Variants in ASCC3 observed in about 807,000 individuals in gnomAD.
The protein encoded by ASCC3 is activating signal cointegrator 1 complex subunit 3.
ASCC3 carries 158 observed loss-of-function variants against 256.3 expected under a neutral mutation model. That is an observed-to-expected ratio of 0.62 (90% CI 0.54 to 0.70). The LOEUF (loss-of-function observed/expected upper bound fraction) is 0.70, where lower values mean the gene tolerates loss of function less well. Ranked by LOEUF, ASCC3 falls within the 30% of genes least tolerant of loss-of-function variation. ASCC3 has a pLI of 0.00. For missense variants in ASCC3, 2,259 were observed against 2,626.0 expected (o/e 0.86, Z 3.05); for synonymous variants, 948 against 883.4 (o/e 1.07, Z -1.30).
At chr6:100,583,867 G>C (rs1771472769) in intron 36 of ASCC3, among the ~76,000 whole-genome samples, 1 of 152,136 alleles carries the variant, frequency 6.6e-6, no homozygotes, top group Admixed American at 6.5e-5. Flanking sequence ...TCAGGAGCAG[G>C]TTGTTCAGTT....
At chr6:100,846,734 T>G (rs534225172) in intron 4 of ASCC3, among the ~76,000 whole-genome samples, 1 of 152,330 alleles carries the variant, frequency 6.6e-6, no homozygotes, top group South Asian at 2.1e-4. Context: ...AGTCATATTT[T>G]AAGAATTGGT....
Position 100,764,817 on chromosome 6 carries a change from T to C in ASCC3, c.1737+1748A>G, listed in dbSNP as rs116707126. ...ACTTGTGGACTAGGGCTTCAACATA[T>C]AAATTGTGTTTGGGGGGTCGGGGAG... On this transcript the variant is annotated intron_variant, in intron 10 of 41. Coordinates refer to ENST00000369162, the MANE Select transcript of ASCC3 (RefSeq NM_006828.4). Among the ~76,000 whole-genome samples the C allele has an allele frequency of 6.1e-3, 922 of 152,220 alleles. 13 individuals carry two copies. The highest frequency in any genetic ancestry group is 0.021 in the African/African-American group (873 of 41,524).
At chr6:100,858,124 GTAAAA>G in intron 3 of ASCC3, 1 of 388,830 alleles carries the variant, frequency 2.6e-6, no homozygotes, top group Non-Finnish European at 3.5e-6. Flanking sequence ...TTTTGTAAAC[GTAAAA>G]TAAATTAAAA....
intron 8 of ASCC3, among the ~76,000 whole-genome samples, chr6:100,795,595 A>T (rs1769572431): frequency 6.6e-6 from 1 of 152,146 alleles, no homozygotes; most frequent in Non-Finnish European, 1.5e-5. Context: ...AGATGCATCT[A>T]CATTTTTTAC....
chr6:100,578,549 G>A (rs1198815151), intron 36 of ASCC3, among the ~76,000 whole-genome samples: 1 of 151,930 alleles, frequency 6.6e-6, no homozygotes, highest in African/African-American at 2.4e-5. Context: ...TTTCACGTAG[G>A]ATTATGGCCT....
intron 8 of ASCC3, among the ~76,000 whole-genome samples, chr6:100,793,856 T>C (rs1002998678): frequency 1.3e-5 from 2 of 151,992 alleles, no homozygotes; most frequent in Non-Finnish European, 2.9e-5. Flanking sequence ...TAACACTTGC[T>C]CCTAACTAAC....
chr6:100,730,309 A>AAAACAAAACAAAACAAAACC (rs1463955768), intron 10 of ASCC3, among the ~76,000 whole-genome samples: 1 of 151,936 alleles, frequency 6.6e-6, no homozygotes, highest in Non-Finnish European at 1.5e-5. Flanking sequence ...AAAACAAAAC[A>AAAACAAAACAAAACAAAACC]AAACAAAACA....
intron 1 of ASCC3, among the ~76,000 whole-genome samples, chr6:100,873,038 A>T (rs184093247): frequency 1.9e-3 from 287 of 152,268 alleles, no homozygotes; most frequent in African/African-American, 6.5e-3. Context: ...AACCAAGAAG[A>T]AATCCCTGAT....
intron 10 of ASCC3, among the ~76,000 whole-genome samples, chr6:100,744,089 T>A (rs1425536246): frequency 6.6e-6 from 1 of 152,192 alleles, no homozygotes; most frequent in Non-Finnish European, 1.5e-5. Context: ...ACCCTGAATG[T>A]CCTTACTTAT....
In ASCC3 at chr6:100,661,849, T is replaced by G; in HGVS notation, c.2660A>C (p.Glu887Ala). Residue 887 changes from glutamate (E) to alanine (A), a missense_variant, in exon 16 of 42, where the codon GAG (glutamate) becomes GCG (alanine). This residue lies in a region of ASCC3 where 1,839 missense variants were observed against 2,206.7 expected (regional missense o/e 0.83). Transcript: ENST00000369162. The part of the protein sequence containing the change: ...LTLLTQRNPI[E>A]SQFLESLADN... ...TGCAAGGCTTTCCAGAAACTGACTCTCAATTGGGTTTCGTTGAGTGAGCAA... is the reference window on the plus strand; with the variant it reads ...TGCAAGGCTTTCCAGAAACTGACTCGCAATTGGGTTTCGTTGAGTGAGCAA... The G allele has an allele frequency of 6.2e-7, 1 of 1,613,326 alleles. No individual in the cohort carries two copies. Among genetic ancestry groups the G allele is most frequent in the Non-Finnish European group, 8.5e-7 (1 of 1,179,404 alleles).
chr6:100,690,948 T>C (rs565583161), intron 13 of ASCC3, among the ~76,000 whole-genome samples: 1 of 152,168 alleles, frequency 6.6e-6, no homozygotes, highest in Admixed American at 6.6e-5. Flanking sequence ...ACATTCCTTA[T>C]AAATTTCACT....
chr6:100,598,377 G>A (rs1424177781), intron 34 of ASCC3, among the ~76,000 whole-genome samples: 1 of 152,126 alleles, frequency 6.6e-6, no homozygotes, highest in Non-Finnish European at 1.5e-5. Context: ...TATTTACATG[G>A]ACTACACTGA....
intron 24 of ASCC3, among the ~76,000 whole-genome samples, chr6:100,640,661 G>C (rs1415468422): frequency 6.6e-6 from 1 of 152,044 alleles, no homozygotes; most frequent in African/African-American, 2.4e-5. Context: ...TAGCACACTT[G>C]ATGAAAGAAG....
intron 10 of ASCC3, 40 bp from the exon 11 acceptor site, chr6:100,725,743 A>G (rs1470629943): frequency 1.2e-6 from 2 of 1,605,790 alleles, no homozygotes; most frequent in East Asian, 4.5e-5. Flanking sequence ...AAAGTTACAT[A>G]GGTTATTTAA....
At chr6:100,739,995 G>C (rs1386018353) in intron 10 of ASCC3, among the ~76,000 whole-genome samples, 2 of 152,010 alleles carry the variant, frequency 1.3e-5, no homozygotes, top group African/African-American at 4.8e-5. Context: ...GTTTGCTTTT[G>C]GTTCTCTTGT....
At chr6:100,529,779 C>CTTCTG (rs1774775161) in intron 37 of ASCC3, among the ~76,000 whole-genome samples, 1 of 152,086 alleles carries the variant, frequency 6.6e-6, no homozygotes, top group East Asian at 1.9e-4. Flanking sequence ...CTGTTTTTGC[C>CTTCTG]TTCTGATGTG....
At position 100,718,234 on chromosome 6, in the gene ASCC3, A is replaced by G; in HGVS notation, c.1920T>C (p.Ser640=). ...CAGACAGTCCGAGAATCCTTATCAT[A>G]CTCTGTGTGGATTCCACCTATATGG... The part of the protein sequence containing the change: ...RTLRQVESTQ[S]MIRILGLSAT... Residue 640 remains serine, a synonymous_variant, in exon 12 of 42, where the codon AGT becomes AGC. Transcript: ENST00000369162. 6.2e-7 allele frequency: 1 copy of G among 1,610,872 alleles called. No homozygotes were observed.
At chr6:100,548,144 G>C (rs979343068) in intron 36 of ASCC3, among the ~76,000 whole-genome samples, 1 of 151,770 alleles carries the variant, frequency 6.6e-6, no homozygotes, top group Admixed American at 6.6e-5. Flanking sequence ...TAGCTACCTA[G>C]GGGAGTGGTC....
intron 37 of ASCC3, chr6:100,530,937 C>T: frequency 7.3e-7 from 1 of 1,377,364 alleles, no homozygotes. Context: ...GACTTCAGTA[C>T]AGTGATTGCA....
Sources: gnomAD v4.1 joint callset for allele counts (sites outside exome capture counted in the v4.1 genomes callset) on GRCh38, gnomAD v4.1.1 for gene constraint, gnomAD v4.1.1 regional missense constraint, MANE v1.5 for transcripts, NCBI Gene and HGNC (gene_info 2026-07-23, HGNC 2026-07-21) for gene names.